ADARB1: variants seen among roughly 807,000 people sequenced by gnomAD.
ADARB1 encodes the protein adenosine deaminase RNA specific B1, also known as double-stranded RNA-specific editase 1.
A neutral mutation model predicts 52.4 loss-of-function variants in ADARB1; 10 were observed. The observed-to-expected ratio is 0.19, with a 90% CI of 0.12 to 0.32. ADARB1 has a LOEUF of 0.32. Among genes scored for constraint, ADARB1 ranks in the 10% least tolerant of loss-of-function variants. The pLI, the probability that ADARB1 is intolerant of heterozygous loss-of-function variation, is 1.00. For missense variants in ADARB1, 643 were observed against 922.3 expected, an observed-to-expected ratio of 0.70 and a Z score of 3.92; for synonymous variants, 349 against 371.1, an observed-to-expected ratio of 0.94 and a Z score of 0.68.
At chr21:45,201,735 A>G (rs545565629) in intron 8 of ADARB1, among the ~76,000 whole-genome samples, 1 of 152,322 alleles carries the variant, frequency 6.6e-6, no homozygotes, top group East Asian at 1.9e-4. Context: ...GGATGGGAGC[A>G]GAGAGTCCAA....
chr21:45,168,201 T>C (rs2091332303), intron 2 of ADARB1, among the ~76,000 whole-genome samples: 2 of 152,226 alleles, frequency 1.3e-5, no homozygotes, highest in African/African-American at 4.8e-5. Context: ...ATTTTACTGT[T>C]GAGCTTTGAG....
chr21:45,076,512 A>C (rs1009201117), intron 1 of ADARB1, among the ~76,000 whole-genome samples: 2 of 152,214 alleles, frequency 1.3e-5, no homozygotes, highest in African/African-American at 4.8e-5. Context: ...AAAGGAAAAA[A>C]GGAGGCCCTC....
In ADARB1 at chr21:45,127,804, A is replaced by C. The variant is rs73907253; in HGVS notation, c.-219-598A>C. On this transcript the variant is annotated intron_variant, in intron 1 of 10. Transcript: ENST00000348831. The stretch of plus-strand genomic sequence containing the variant: ...TCTTTTGGATATCAGTTTGCTTTTC[A>C]GGAAGAAAATTTTAATACTCCATAT... 1.5e-3 allele frequency among the ~76,000 whole-genome samples: 228 copies of C among 152,258 alleles called. 2 individuals carry two copies. The highest frequency in any genetic ancestry group is 5.3e-3 in the African/African-American group (219 of 41,546).
chr21:45,225,483 C>T lies in ADARB1; in HGVS notation c.*3286C>T, dbSNP rs2093046330. The T allele has an allele frequency of 1.5e-6, 2 of 1,313,350 alleles. No homozygotes were observed. Among genetic ancestry groups the T allele is most frequent in the Non-Finnish European group, 2.0e-6 (2 of 1,022,044 alleles). 81.4% of individuals were successfully genotyped at this position (1,313,350 alleles called of 1,614,324 possible). A position where few individuals can be genotyped will look rare whatever the true frequency, so the allele number is the denominator to read the frequency against. ...TTTTTATTCAAATAACCATATTTATCTCCAGGCTGTGGAATCGCCACTTTC... is the reference window on the plus strand; with the variant it reads ...TTTTTATTCAAATAACCATATTTATTTCCAGGCTGTGGAATCGCCACTTTC... On this transcript the variant is annotated 3_prime_UTR_variant, in exon 11 of 11. Coordinates refer to ENST00000348831, the MANE Select transcript of ADARB1 (RefSeq NM_001112.4).
intron 2 of ADARB1, among the ~76,000 whole-genome samples, chr21:45,138,620 A>C (rs1034898199): frequency 1.3e-5 from 2 of 152,188 alleles, no homozygotes; most frequent in Admixed American, 6.5e-5. Flanking sequence ...TCTCCTTGGC[A>C]AGAAGTGTGT....
chr21:45,154,293 T>A lies in ADARB1; in HGVS notation c.-47-17317T>A, dbSNP rs542131011. Among the ~76,000 whole-genome samples, 7 of 152,356 alleles carry A rather than the reference T, an allele frequency of 4.6e-5. No individual in the cohort carries two copies. The East Asian group carries it at 9.6e-4, about 21-fold the overall frequency. On this transcript the variant is annotated intron_variant, in intron 2 of 10. Transcript: ENST00000348831. ...TATGTGAGTAAGTTCATTGTGAGTG[T>A]TACTAAACAGTATCATGTTATGTGT...
chr21:45,175,082 A>G (rs931120645), intron 3 of ADARB1, among the ~76,000 whole-genome samples: 3 of 152,198 alleles, frequency 2.0e-5, no homozygotes, highest in Non-Finnish European at 4.4e-5. Context: ...TCCTAAACAC[A>G]ACAACTAAAA....
chr21:45,191,511 C>T (rs867349448), intron 8 of ADARB1, among the ~76,000 whole-genome samples: 1 of 152,054 alleles, frequency 6.6e-6, no homozygotes, highest in South Asian at 2.1e-4. Context: ...GTTACTTTAT[C>T]AAATGTTTTA....
rs2092974605 is a variant in ADARB1 at position 45,222,044 on chromosome 21, G to A, written c.1953G>A (p.Lys651=). 1 of 1,613,682 alleles carries A rather than the reference G, an allele frequency of 6.2e-7. No homozygotes were observed. The highest frequency in any genetic ancestry group is 8.5e-7 in the Non-Finnish European group (1 of 1,179,992). ...TTCCCTCCCACTTACTACGCTCCAA[G>A]ATTACCAAGCCCAACGTGTACCATG... ...GKVPSHLLRS[K]ITKPNVYHES... is the part of the protein sequence containing the mutation. The change falls in exon 11 of 11, where the codon AAG becomes AAA. Residue 651 remains lysine (K), a synonymous_variant. Transcript: ENST00000348831.
intron 1 of ADARB1, among the ~76,000 whole-genome samples, chr21:45,092,864 G>A: frequency 6.6e-6 from 1 of 151,400 alleles, no homozygotes; most frequent in Non-Finnish European, 1.5e-5. Flanking sequence ...TGTAAAATAG[G>A]AGTAATTCAT....
intron 1 of ADARB1, among the ~76,000 whole-genome samples, chr21:45,090,848 T>C (rs2086535354): frequency 6.6e-6 from 1 of 152,268 alleles, no homozygotes; most frequent in African/African-American, 2.4e-5. Flanking sequence ...CCCCAAGAAC[T>C]GCCTTGGCCA....
chr21:45,207,170 A>G (rs1043158033), intron 9 of ADARB1, among the ~76,000 whole-genome samples: 12 of 152,242 alleles, frequency 7.9e-5, no homozygotes, highest in African/African-American at 2.2e-4. Context: ...CCTTAACTCA[A>G]ATCTGAGCCA....
chr21:45,131,615 G>T (rs376608105), intron 2 of ADARB1, among the ~76,000 whole-genome samples: 5 of 152,202 alleles, frequency 3.3e-5, no homozygotes, highest in Non-Finnish European at 5.9e-5. Flanking sequence ...ACCGGGCATC[G>T]CTGCCGCCTC....
intron 6 of ADARB1, among the ~76,000 whole-genome samples, chr21:45,183,130 G>T (rs1450393526): frequency 6.6e-6 from 1 of 152,082 alleles, no homozygotes; most frequent in Non-Finnish European, 1.5e-5. Flanking sequence ...TTTTGTATGT[G>T]GTCTTTCTGT....
intron 2 of ADARB1, among the ~76,000 whole-genome samples, chr21:45,162,321 A>G (rs2091014420): frequency 6.6e-6 from 1 of 152,146 alleles, no homozygotes; most frequent in Non-Finnish European, 1.5e-5. Context: ...TGTCCATGCC[A>G]GTGCCTAGGT....
intron 1 of ADARB1, among the ~76,000 whole-genome samples, chr21:45,110,238 G>C (rs970008757): frequency 6.6e-6 from 1 of 152,192 alleles, no homozygotes; most frequent in Non-Finnish European, 1.5e-5. Context: ...GAAAGAGGTG[G>C]AGATAACCTC....
intron 2 of ADARB1, among the ~76,000 whole-genome samples, chr21:45,166,870 C>G (rs2091272118): frequency 1.7e-5 from 1 of 59,962 alleles, no homozygotes; most frequent in African/African-American, 7.6e-5. Context: ...ATATTGCTAT[C>G]AAATAAGTCT....
chr21:45,175,501 C>T (rs1336372513), intron 3 of ADARB1, among the ~76,000 whole-genome samples: 1 of 152,118 alleles, frequency 6.6e-6, no homozygotes, highest in Admixed American at 6.5e-5. Flanking sequence ...GTTGGTGACA[C>T]TAAATAGAAA....
chr21:45,154,670 G>A (rs1333548837), intron 2 of ADARB1, among the ~76,000 whole-genome samples: 1 of 152,136 alleles, frequency 6.6e-6, no homozygotes, highest in Non-Finnish European at 1.5e-5. Flanking sequence ...CTTCCACAGG[G>A]CAAATAATTG....
Sources: gnomAD v4.1 joint callset for allele counts (sites outside exome capture counted in the v4.1 genomes callset) on GRCh38, gnomAD v4.1.1 for gene constraint, MANE v1.5 for transcripts, NCBI Gene and HGNC (gene_info 2026-07-23, HGNC 2026-07-21) for gene names.